GPM6A: variants seen among roughly 807,000 people sequenced by gnomAD.
The protein encoded by GPM6A is neuronal membrane glycoprotein M6-a.
GPM6A carries 7 observed loss-of-function variants against 32.1 expected under a neutral mutation model. The ratio of observed to expected loss-of-function variants is 0.22; its 90% CI spans 0.12 to 0.41. The LOEUF (loss-of-function observed/expected upper bound fraction) is 0.41, where lower values mean the gene tolerates loss of function less well. Ranked by LOEUF, GPM6A falls within the 10% of genes least tolerant of loss-of-function variation. The probability of loss-of-function intolerance (pLI) is 1.00; values close to 1 mark genes in which losing one functional copy is unlikely to be tolerated. For synonymous variants in GPM6A, 130 were observed against 123.4 expected (o/e 1.05, Z -0.35); for missense variants, 235 against 347.2 (o/e 0.68, Z 2.57).
intron 1 of GPM6A, among the ~76,000 whole-genome samples, chr4:175,974,854 G>C (rs1031408540): frequency 1.3e-5 from 2 of 151,882 alleles, no homozygotes; most frequent in African/African-American, 4.8e-5. Context: ...AGCTAATTTT[G>C]GTATTTTTTG....
intron 1 of GPM6A, among the ~76,000 whole-genome samples, chr4:175,941,389 T>C (rs115860731): frequency 0.012 from 1,864 of 152,328 alleles, 38 homozygotes; most frequent in African/African-American, 0.043. Context: ...AAGCTTATTT[T>C]CTTTTTTAAA....
chr4:175,727,577 A>G (rs1328823274), intron 1 of GPM6A, among the ~76,000 whole-genome samples: 2 of 152,192 alleles, frequency 1.3e-5, no homozygotes, highest in Non-Finnish European at 2.9e-5. Flanking sequence ...ATGCTATACT[A>G]ATGTGGTCTG....
intron 1 of GPM6A, among the ~76,000 whole-genome samples, chr4:175,996,334 C>A (rs188271022): frequency 1.3e-5 from 2 of 152,258 alleles, no homozygotes; most frequent in East Asian, 3.9e-4. Flanking sequence ...GGTGAAACCC[C>A]TAGTGACACT....
rs10011893 is a variant in GPM6A at position 175,903,687 on chromosome 4, C to T, written c.-22-91438G>A. Among the ~76,000 whole-genome samples the T allele has an allele frequency of 8.8e-3, 1,344 of 152,198 alleles. 16 individuals carry two copies. Among genetic ancestry groups the T allele is most frequent in the African/African-American group, 0.031 (1,271 of 41,530 alleles). On this transcript the variant is annotated intron_variant, in intron 1 of 7. Coordinates refer to the GPM6A transcript ENST00000280187. ...TAATCTTGAGGAATCAGCAAACAAA[C>T]CCACACTGAGGGACATTCCATAAAA...
At chr4:175,890,644 G>A (rs1441834375) in intron 1 of GPM6A, among the ~76,000 whole-genome samples, 2 of 151,654 alleles carry the variant, frequency 1.3e-5, no homozygotes, top group Non-Finnish European at 2.9e-5. Flanking sequence ...ATGGCCCACC[G>A]CAGCCTCTAA....
intron 2 of GPM6A, among the ~76,000 whole-genome samples, chr4:175,690,485 A>G (rs73002103): frequency 0.047 from 7,178 of 152,296 alleles, 205 homozygotes; most frequent in Non-Finnish European, 0.063. Flanking sequence ...AATCAGTTTC[A>G]CTGGGCTGAC....
rs184974209 is a variant in GPM6A, at chr4:175,732,190, C to T, written c.38-30423G>A. Among the ~76,000 whole-genome samples, 1,294 of 150,370 alleles carry T rather than the reference C, an allele frequency of 8.6e-3. 20 individuals are homozygous for T. Among genetic ancestry groups the T allele is most frequent in the African/African-American group, 0.028 (1,175 of 41,386 alleles). On this transcript the variant is annotated intron_variant, in intron 1 of 6. Transcript: ENST00000393658. The stretch of plus-strand genomic sequence containing the variant: ...CCATGTTGGCCAGGATGGTCTCGAT[C>T]TCCTGACCTCGTGATCCGCCCGCCT...
chr4:175,702,109 C>G (rs2111066093), intron 1 of GPM6A, among the ~76,000 whole-genome samples: 1 of 152,334 alleles, frequency 6.6e-6, no homozygotes, highest in South Asian at 2.1e-4. Flanking sequence ...CCAAATGTCA[C>G]ATGCTTATGG....
At chr4:175,882,924 C>T (rs759302299) in intron 1 of GPM6A, among the ~76,000 whole-genome samples, 1 of 151,848 alleles carries the variant, frequency 6.6e-6, no homozygotes, top group Non-Finnish European at 1.5e-5. Flanking sequence ...ACCAAGCAGT[C>T]AAGATGATAA....
Position 175,886,024 on chromosome 4 carries a change from G to A in GPM6A, c.-22-73775C>T, listed in dbSNP as rs191790030. 2.6e-4 allele frequency among the ~76,000 whole-genome samples: 39 copies of A among 152,182 alleles called. 1 individual carries two copies. The highest frequency in any genetic ancestry group is 2.9e-5 in the Non-Finnish European group (2 of 67,984). On this transcript the variant is annotated intron_variant, in intron 1 of 7. Coordinates refer to the GPM6A transcript ENST00000280187. ...AAAAACAGCATTAAGAGACATGGAGGTCAGAATAAAGAGATTCTATATATA... is the reference window on the plus strand; with the variant it reads ...AAAAACAGCATTAAGAGACATGGAGATCAGAATAAAGAGATTCTATATATA...
At chr4:175,762,453 T>C (rs1287223669) in intron 1 of GPM6A, among the ~76,000 whole-genome samples, 1 of 152,160 alleles carries the variant, frequency 6.6e-6, no homozygotes, top group Non-Finnish European at 1.5e-5. Flanking sequence ...GCCATAGGGG[T>C]AAATTCACTA....
chr4:175,847,894 C>A (rs570244366), intron 1 of GPM6A, among the ~76,000 whole-genome samples: 2 of 152,104 alleles, frequency 1.3e-5, no homozygotes. Flanking sequence ...TGAACAGAAA[C>A]GTGCTCTGAT....
chr4:175,828,711 C>T (rs1735513139), intron 1 of GPM6A, among the ~76,000 whole-genome samples: 2 of 151,954 alleles, frequency 1.3e-5, no homozygotes. Context: ...ATAATAATAA[C>T]AAAGGCAGTA....
At chr4:175,870,507 A>G (rs1736873907) in intron 1 of GPM6A, among the ~76,000 whole-genome samples, 1 of 152,174 alleles carries the variant, frequency 6.6e-6, no homozygotes, top group Admixed American at 6.5e-5. Flanking sequence ...TATATAAAAT[A>G]TTTATTTTTG....
intron 1 of GPM6A, among the ~76,000 whole-genome samples, chr4:175,817,450 A>G (rs192302969): frequency 6.5e-4 from 99 of 152,354 alleles, no homozygotes; most frequent in African/African-American, 2.3e-3. Context: ...ACCAAATATC[A>G]CAACGCTGAA....
chr4:175,800,630 C>T (rs1734435248), intron 1 of GPM6A: 1 of 152,916 alleles, frequency 6.5e-6, no homozygotes, highest in African/African-American at 2.4e-5. Context: ...TTCTAAAACA[C>T]AGATCATAAA....
chr4:175,667,810 T>A (rs925616512), intron 3 of GPM6A, among the ~76,000 whole-genome samples: 1 of 152,004 alleles, frequency 6.6e-6, no homozygotes, highest in Non-Finnish European at 1.5e-5. Context: ...AATATACAAA[T>A]TTTTTTTAAG....
chr4:175,947,978 C>G (rs895785259), intron 1 of GPM6A, among the ~76,000 whole-genome samples: 1 of 152,128 alleles, frequency 6.6e-6, no homozygotes, highest in African/African-American at 2.4e-5. Context: ...CAAAGCCCTA[C>G]TTTTTTTCTA....
intron 1 of GPM6A, among the ~76,000 whole-genome samples, chr4:175,942,323 G>A (rs1739438822): frequency 6.6e-6 from 1 of 152,080 alleles, no homozygotes; most frequent in Non-Finnish European, 1.5e-5. Flanking sequence ...CCATTCTGTA[G>A]GTTGCCTGTT....
Sources: allele counts gnomAD v4.1 joint callset (sites outside exome capture counted in the v4.1 genomes callset), GRCh38; gene constraint gnomAD v4.1.1; transcripts MANE v1.5; gene names NCBI Gene and HGNC (gene_info 2026-07-23, HGNC 2026-07-21).